POF1B: variants seen among roughly 807,000 people sequenced by gnomAD.
POF1B encodes POF1B actin binding protein.
POF1B carries 53 observed loss-of-function variants against 55.3 expected under a neutral mutation model. That is an observed-to-expected ratio of 0.96 (90% CI 0.77 to 1.20). The LOEUF (loss-of-function observed/expected upper bound fraction) is 1.20, where lower values mean the gene tolerates loss of function less well. Among genes scored for constraint, POF1B ranks in the 50% most tolerant of loss-of-function variants. The probability of loss-of-function intolerance (pLI) is 0.00; values close to 1 mark genes in which losing one functional copy is unlikely to be tolerated. For synonymous variants in POF1B, 188 were observed against 148.3 expected, an observed-to-expected ratio of 1.27 and a Z score of -1.95; for missense variants, 478 against 420.5, an observed-to-expected ratio of 1.14 and a Z score of -1.20.
At chrX:85,284,360 C>A in intron 15 of POF1B, among the ~76,000 whole-genome samples, 1 of 111,382 alleles carries the variant, frequency 9.0e-6, no homozygotes, top group Non-Finnish European at 1.9e-5. Flanking sequence ...AAAACCTAAG[C>A]CAAAAGAAAA....
intron 2 of POF1B, 115 bp from the exon 3 acceptor site, chrX:85,367,881 G>C (rs757775759): frequency 4.4e-5 from 20 of 459,221 alleles, no homozygotes; most frequent in Non-Finnish European, 7.2e-5. Flanking sequence ...GCATTATTTA[G>C]TGCTTTCTTA....
chrX:85,291,151 T>C (rs2054162248), intron 15 of POF1B, among the ~76,000 whole-genome samples: 1 of 112,069 alleles, frequency 8.9e-6, no homozygotes, highest in South Asian at 3.7e-4. Context: ...CTTCTACATA[T>C]GGCTAGGCAG....
At chrX:85,285,005 C>A (rs1051225166) in intron 15 of POF1B, among the ~76,000 whole-genome samples, 2 of 111,819 alleles carry the variant, frequency 1.8e-5, no homozygotes, top group Non-Finnish European at 3.8e-5. Flanking sequence ...AGGATATGAA[C>A]AGACACTTCT....
At chrX:85,360,026 TG>T (rs1343027737) in intron 3 of POF1B, among the ~76,000 whole-genome samples, 2 of 110,921 alleles carry the variant, frequency 1.8e-5, no homozygotes, top group African/African-American at 6.5e-5. Context: ...TGTATGTGTG[TG>T]TAGTTAAACA....
intron 7 of POF1B, 141 bp from the exon 8 acceptor site, chrX:85,315,875 T>C (rs953388047): frequency 1.5e-5 from 7 of 476,423 alleles, no homozygotes; most frequent in African/African-American, 1.0e-4. Flanking sequence ...AGTGAAAATG[T>C]TAAAACTAAA....
chrX:85,323,993 A>T (rs1167909390), intron 7 of POF1B, among the ~76,000 whole-genome samples: 1 of 112,075 alleles, frequency 8.9e-6, no homozygotes, highest in Non-Finnish European at 1.9e-5. Context: ...ATTCAGGAGC[A>T]GGTTGTTTCA....
intron 15 of POF1B, among the ~76,000 whole-genome samples, chrX:85,290,439 T>G (rs2147893745): frequency 9.0e-6 from 1 of 111,624 alleles, no homozygotes; most frequent in African/African-American, 3.3e-5. Context: ...TGTCTTTGGG[T>G]AGAATGCTTT....
intron 4 of POF1B, among the ~76,000 whole-genome samples, chrX:85,356,277 A>G (rs369236985): frequency 3.0e-5 from 3 of 99,770 alleles, no homozygotes; most frequent in Non-Finnish European, 6.0e-5. Context: ...CTTGGACACA[A>G]GAAGGGGGGC....
At chrX:85,356,163 C>T (rs1226634410) in intron 4 of POF1B, among the ~76,000 whole-genome samples, 1 of 110,419 alleles carries the variant, frequency 9.1e-6, no homozygotes, top group African/African-American at 3.3e-5. Flanking sequence ...TTTGTAGGGA[C>T]ATGGATGAAG....
intron 7 of POF1B, among the ~76,000 whole-genome samples, chrX:85,324,459 T>C (rs192207153): frequency 9.0e-6 from 1 of 111,643 alleles, no homozygotes; most frequent in East Asian, 2.8e-4. Context: ...TTTACCATTA[T>C]GTAATGCCCT....
intron 15 of POF1B, among the ~76,000 whole-genome samples, chrX:85,295,437 T>C (rs1187071418): frequency 1.8e-5 from 2 of 111,739 alleles, no homozygotes; most frequent in East Asian, 2.8e-4. Context: ...TTTTCATTAA[T>C]TTCAAAGAAA....
intron 15 of POF1B, among the ~76,000 whole-genome samples, chrX:85,295,284 T>C (rs893564657): frequency 3.6e-5 from 4 of 111,730 alleles, no homozygotes; most frequent in Non-Finnish European, 5.6e-5. Flanking sequence ...GTTCTTGTTT[T>C]TCTAGTTCCA....
chrX:85,361,355 T>A (rs1015820279), intron 3 of POF1B, among the ~76,000 whole-genome samples: 10 of 111,983 alleles, frequency 8.9e-5, no homozygotes, highest in African/African-American at 3.2e-4. Context: ...CATTTAAGAC[T>A]GTAATCAGTC....
Position 85,331,067 on chromosome X carries a change from C to A in POF1B, c.736G>T (p.Asp246Tyr). ...SQICEQVIIQ[D>Y]DGPEKLDPRY... ...GGGTCCAATTTTTCAGGGCCATCATCCTGAATTATCACCTGAAGCAAACAT... is the reference window on the plus strand; with the variant it reads ...GGGTCCAATTTTTCAGGGCCATCATACTGAATTATCACCTGAAGCAAACAT... Residue 246 changes from aspartate (D) to tyrosine (Y), a missense_variant, in exon 7 of 17, where the codon GAT becomes TAT. Coordinates refer to ENST00000262753, the MANE Select transcript of POF1B (RefSeq NM_024921.4). 5.0e-6 allele frequency: 6 copies of A among 1,204,072 alleles called. No homozygotes were observed. The highest frequency in any genetic ancestry group is 5.6e-6 in the Non-Finnish European group (5 of 891,866).
chrX:85,344,819 G>A (rs1452767427), intron 6 of POF1B, among the ~76,000 whole-genome samples: 1 of 111,320 alleles, frequency 9.0e-6, no homozygotes, highest in Non-Finnish European at 1.9e-5. Flanking sequence ...GTCTCACTAT[G>A]TTGCTCAGGC....
At chrX:85,295,979 A>G (rs1932299821) in intron 15 of POF1B, among the ~76,000 whole-genome samples, 1 of 112,573 alleles carries the variant, frequency 8.9e-6, no homozygotes, top group African/African-American at 3.2e-5. Context: ...ACCCATCATC[A>G]TTATGTAATG....
intron 16 of POF1B, 79 bp from the exon 17 acceptor site, chrX:85,279,505 A>T: frequency 1.0e-6 from 1 of 976,896 alleles, no homozygotes; most frequent in Non-Finnish European, 1.4e-6. Flanking sequence ...GTTATGGAAA[A>T]TTATTTAAAT....
intron 6 of POF1B, among the ~76,000 whole-genome samples, chrX:85,337,795 G>T (rs1023031262): frequency 8.9e-6 from 1 of 111,744 alleles, no homozygotes; most frequent in Non-Finnish European, 1.9e-5. Flanking sequence ...TCCCATTTGT[G>T]AGTTAAGTAA....
intron 6 of POF1B, among the ~76,000 whole-genome samples, chrX:85,333,455 T>G (rs1318002222): frequency 1.8e-5 from 2 of 111,643 alleles, no homozygotes; most frequent in Non-Finnish European, 3.8e-5. Context: ...AATACAATAC[T>G]GATTAAATAC....
Sources: gnomAD v4.1 joint callset for allele counts (sites outside exome capture counted in the v4.1 genomes callset) on GRCh38, gnomAD v4.1.1 for gene constraint, MANE v1.5 for transcripts, NCBI Gene and HGNC (gene_info 2026-07-23, HGNC 2026-07-21) for gene names.